Variants in STK3 observed in about 807,000 individuals in gnomAD.
STK3 encodes serine/threonine-protein kinase 3.
A neutral mutation model predicts 58.0 loss-of-function variants in STK3; 41 were observed. That is an observed-to-expected ratio of 0.71 (90% CI 0.55 to 0.92). The LOEUF is 0.92. STK3 is among the 40% of genes least tolerant of loss of function. The pLI is 0.00. For missense variants in STK3, 479 were observed against 602.7 expected (o/e 0.79, Z 2.15); for synonymous variants, 170 against 191.0 (o/e 0.89, Z 0.91).
At chr8:98,418,082 A>C (rs1818133683) in intron 3 of STK3, among the ~76,000 whole-genome samples, 1 of 152,066 alleles carries the variant, frequency 6.6e-6, no homozygotes, top group Non-Finnish European at 1.5e-5. Context: ...GCTAATTAAA[A>C]AAATTTTTTT....
chr8:98,618,554 T>C (rs1474217849), intron 6 of STK3, among the ~76,000 whole-genome samples: 2 of 149,680 alleles, frequency 1.3e-5, no homozygotes, highest in East Asian at 3.9e-4. Context: ...TGATTGTTTA[T>C]CTAGAAAACC....
At chr8:98,365,229 G>T in the STK3 span, among the ~76,000 whole-genome samples, 1 of 152,322 alleles carries the variant, frequency 6.6e-6, no homozygotes, top group Non-Finnish European at 1.5e-5. Context: ...AAGATCACTG[G>T]AGTGGATGCT....
rs536683349 is a variant in STK3, at chr8:98,500,669, C to T, written c.1317+26073G>A. 1.1e-3 allele frequency among the ~76,000 whole-genome samples: 174 copies of T among 152,108 alleles called. 2 individuals are homozygous for T. Among genetic ancestry groups the T allele is most frequent in the Middle Eastern group, 3.4e-3 (1 of 294 alleles). ...TGAGAACATGTGGTGTTTGATTTTC[C>T]GTCCTTGTGACAGTTTGCTCAGAAT... On this transcript the variant is annotated intron_variant, in intron 10 of 10. Coordinates refer to ENST00000419617, the MANE Select transcript of STK3 (RefSeq NM_006281.4).
intron 8 of STK3, among the ~76,000 whole-genome samples, chr8:98,573,972 A>G (rs1434325656): frequency 1.3e-5 from 2 of 152,052 alleles, no homozygotes; most frequent in Non-Finnish European, 2.9e-5. Flanking sequence ...AGACCTCATG[A>G]TAACTCACTC....
intron 10 of STK3, among the ~76,000 whole-genome samples, chr8:98,506,028 C>G (rs1824036054): frequency 6.6e-6 from 1 of 152,244 alleles, no homozygotes; most frequent in African/African-American, 2.4e-5. Context: ...GTCAGCAGGC[C>G]TTGCAGAGCT....
At chr8:98,596,903 A>G (rs530875698) in intron 6 of STK3, among the ~76,000 whole-genome samples, 1 of 152,250 alleles carries the variant, frequency 6.6e-6, no homozygotes, top group African/African-American at 2.4e-5. Flanking sequence ...AAAAACAAAA[A>G]CCTGAAGACA....
At chr8:98,417,841 C>A (rs917945370) in intron 3 of STK3, among the ~76,000 whole-genome samples, 4 of 152,346 alleles carry the variant, frequency 2.6e-5, no homozygotes, top group African/African-American at 9.6e-5. Flanking sequence ...TTTCCTGTGG[C>A]AGCCCCCCAG....
intron 10 of STK3, among the ~76,000 whole-genome samples, chr8:98,482,626 C>T (rs757639057): frequency 1.3e-5 from 2 of 151,960 alleles, no homozygotes; most frequent in Non-Finnish European, 2.9e-5. Flanking sequence ...AGAGACTCTA[C>T]GCATGACCTC....
chr8:98,808,707 T>C (rs950028249), intron 1 of STK3, among the ~76,000 whole-genome samples: 1 of 152,232 alleles, frequency 6.6e-6, no homozygotes, highest in Non-Finnish European at 1.5e-5. Flanking sequence ...CCTGGCACAC[T>C]GCCCCTAAAA....
At chr8:98,359,800 C>G in the STK3 span, among the ~76,000 whole-genome samples, 1 of 152,286 alleles carries the variant, frequency 6.6e-6, no homozygotes, top group Non-Finnish European at 1.5e-5. Context: ...GGGGAAATCT[C>G]AGAGGCTCAT....
At chr8:98,855,850 A>G (rs909311613) in intron 3 of STK3, among the ~76,000 whole-genome samples, 1 of 152,002 alleles carries the variant, frequency 6.6e-6, no homozygotes, top group Non-Finnish European at 1.5e-5. Context: ...ATGAAACCCC[A>G]TCTCTATTGA....
rs1587829417 is a variant in STK3, at chr8:98,905,644, C to T, written c.-78-21810G>A. On this transcript the variant is annotated intron_variant, in intron 1 of 1. Coordinates refer to the STK3 transcript ENST00000519420. ...TCTCCTGCTCTGTGGCCTCCTGGGG[C>T]AGGTTTCTGATGAACAGCTTCATCA... is the stretch of plus-strand genomic sequence containing the variant. The T allele has an allele frequency of 3.7e-6, 3 of 819,976 alleles. No individual in the cohort carries two copies. In the East Asian group the frequency reaches 7.7e-5, roughly 21 times the overall value. The allele number at this position is 819,976 out of a possible 1,614,324, so 50.8% of individuals were successfully genotyped here.
At chr8:98,611,855 A>G (rs1484972399) in intron 6 of STK3, among the ~76,000 whole-genome samples, 1 of 152,080 alleles carries the variant, frequency 6.6e-6, no homozygotes, top group Admixed American at 6.5e-5. Flanking sequence ...GCATGAATCA[A>G]ACAGTATGGA....
At chr8:98,647,957 C>A (rs1350236733) in intron 6 of STK3, among the ~76,000 whole-genome samples, 1 of 152,182 alleles carries the variant, frequency 6.6e-6, no homozygotes, top group Non-Finnish European at 1.5e-5. Context: ...TGCCTCAATG[C>A]CTTTTATTAA....
intron 6 of STK3, among the ~76,000 whole-genome samples, chr8:98,631,002 C>T (rs942398909): frequency 6.6e-6 from 1 of 151,950 alleles, no homozygotes; most frequent in South Asian, 2.1e-4. Flanking sequence ...GAGCCAAAAA[C>T]CTAGGCCAAA....
chr8:98,501,092 G>A (rs1032344201), intron 10 of STK3, among the ~76,000 whole-genome samples: 3 of 152,074 alleles, frequency 2.0e-5, no homozygotes, highest in Non-Finnish European at 4.4e-5. Flanking sequence ...ACTTTTTAAT[G>A]ATCGCCATTC....
intron 2 of STK3, chr8:98,434,461 G>A (rs567813136): frequency 5.3e-5 from 8 of 152,340 alleles, no homozygotes; most frequent in African/African-American, 1.9e-4. Context: ...CCTACTTTTA[G>A]GAGAAATTTA....
At chr8:98,445,559 C>T (rs1273106220) in intron 1 of STK3, among the ~76,000 whole-genome samples, 2 of 151,664 alleles carry the variant, frequency 1.3e-5, no homozygotes, top group Non-Finnish European at 2.9e-5. Context: ...TATCTTTTCT[C>T]ATTTGTTCTT....
At chr8:98,664,669 C>T (rs1822206846) in intron 6 of STK3, among the ~76,000 whole-genome samples, 1 of 152,052 alleles carries the variant, frequency 6.6e-6, no homozygotes. Context: ...GAAATGCTTT[C>T]CATATTAACT....
Sources: gnomAD v4.1 joint callset for allele counts (sites outside exome capture counted in the v4.1 genomes callset) on GRCh38, gnomAD v4.1.1 for gene constraint, MANE v1.5 for transcripts, NCBI Gene and HGNC (gene_info 2026-07-23, HGNC 2026-07-21) for gene names.